IPMK: variants seen among roughly 807,000 people sequenced by gnomAD.
IPMK encodes inositol 1,3,4,6-tetrakisphosphate 5-kinase.
A neutral mutation model predicts 45.8 loss-of-function variants in IPMK; 17 were observed. That is an observed-to-expected ratio of 0.37 (90% CI 0.25 to 0.56). The LOEUF (loss-of-function observed/expected upper bound fraction) is 0.56, where lower values mean the gene tolerates loss of function less well. Ranked by LOEUF, IPMK falls within the 20% of genes least tolerant of loss-of-function variation. The pLI is 0.79. For missense variants in IPMK, 399 were observed against 498.0 expected (o/e 0.80, Z 1.89); for synonymous variants, 180 against 184.3 (o/e 0.98, Z 0.19).
intron 4 of IPMK, among the ~76,000 whole-genome samples, chr10:58,206,305 A>C (rs1418210994): frequency 6.6e-6 from 1 of 152,160 alleles, no homozygotes; most frequent in Non-Finnish European, 1.5e-5. Context: ...GGGAGTTTGG[A>C]AGGAAATTGG....
intron 4 of IPMK, among the ~76,000 whole-genome samples, chr10:58,215,791 C>T (rs188826074): frequency 6.6e-6 from 1 of 152,176 alleles, no homozygotes; most frequent in East Asian, 1.9e-4. Flanking sequence ...GCACTTTTCT[C>T]ATGGGAAAAT....
chr10:58,240,068 TAGG>T (rs1344565906), intron 1 of IPMK, among the ~76,000 whole-genome samples: 1 of 151,866 alleles, frequency 6.6e-6, no homozygotes, highest in Non-Finnish European at 1.5e-5. Context: ...GAAAACATAA[TAGG>T]AGATGACACA....
intron 1 of IPMK, among the ~76,000 whole-genome samples, chr10:58,261,237 G>A (rs1564542308): frequency 6.7e-6 from 1 of 149,252 alleles, no homozygotes; most frequent in African/African-American, 2.5e-5. Context: ...GAAAGAAAGG[G>A]AAATAAAACT....
intron 1 of IPMK, among the ~76,000 whole-genome samples, chr10:58,250,691 C>G (rs566724799): frequency 2.1e-4 from 32 of 152,248 alleles, no homozygotes; most frequent in African/African-American, 7.7e-4. Flanking sequence ...AGGACTTCCA[C>G]TCCTAGGAGT....
At chr10:58,212,824 T>C (rs1201654338) in intron 4 of IPMK, 4 of 226,882 alleles carry the variant, frequency 1.8e-5, no homozygotes, top group Non-Finnish European at 3.9e-5. Context: ...TGTGACAGTA[T>C]CAACAGTGAT....
At chr10:58,250,683 G>A (rs139842028) in intron 1 of IPMK, among the ~76,000 whole-genome samples, 19 of 152,152 alleles carry the variant, frequency 1.2e-4, no homozygotes, top group African/African-American at 4.3e-4. Flanking sequence ...CTCTGACTAG[G>A]ACTTCCACTC....
chr10:58,194,473 T>C lies in IPMK; in HGVS notation c.*1603A>G, dbSNP rs1459473475. ...AAATTTTGCTATTACAAAATGAACA[T>C]GATCTTTTAAATTATTCAGGTTTAA... On this transcript the variant is annotated 3_prime_UTR_variant, in exon 6 of 6. Transcript: ENST00000373935. 3.3e-5 allele frequency: 5 copies of C among 151,892 alleles called. No individual in the cohort carries two copies. Among genetic ancestry groups the C allele is most frequent in the South Asian group, 2.1e-4 (1 of 4,830 alleles). The allele number at this position is 151,892 out of a possible 1,614,324, so 9.4% of individuals were successfully genotyped here. A position where few individuals can be genotyped will look rare whatever the true frequency, so the allele number is the denominator to read the frequency against.
chr10:58,246,319 G>C (rs1375651068), intron 1 of IPMK, among the ~76,000 whole-genome samples: 1 of 149,892 alleles, frequency 6.7e-6, no homozygotes, highest in Non-Finnish European at 1.5e-5. Context: ...AGTTCATATG[G>C]AACCAAAAAA....
chr10:58,253,064 G>A (rs374231172), intron 1 of IPMK, among the ~76,000 whole-genome samples: 1 of 152,306 alleles, frequency 6.6e-6, no homozygotes, highest in South Asian at 2.1e-4. Context: ...CACATGTCAA[G>A]GGCAAAGCCA....
chr10:58,264,252 TA>T (rs1299887867), intron 1 of IPMK, among the ~76,000 whole-genome samples: 13 of 152,302 alleles, frequency 8.5e-5, no homozygotes, highest in South Asian at 2.1e-4. Flanking sequence ...TGAGAGATAA[TA>T]AAACAAATTT....
At chr10:58,254,247 C>T (rs1838930571) in intron 1 of IPMK, among the ~76,000 whole-genome samples, 1 of 152,176 alleles carries the variant, frequency 6.6e-6, no homozygotes, top group Middle Eastern at 3.4e-3. Flanking sequence ...TTTTGCTCCT[C>T]TGTTTAGATA....
At chr10:58,221,530 A>T (rs1412019673) in intron 3 of IPMK, among the ~76,000 whole-genome samples, 1 of 152,152 alleles carries the variant, frequency 6.6e-6, no homozygotes, top group African/African-American at 2.4e-5. Flanking sequence ...ATCCAAAAAA[A>T]TATAATGAAC....
chr10:58,243,831 C>A (rs1306513403), intron 1 of IPMK, among the ~76,000 whole-genome samples: 1 of 152,000 alleles, frequency 6.6e-6, no homozygotes, highest in Admixed American at 6.6e-5. Context: ...GGCCGCCCAT[C>A]GTCTGGGATG....
chr10:58,226,135 G>T (rs1207190157), intron 3 of IPMK, among the ~76,000 whole-genome samples: 3 of 152,150 alleles, frequency 2.0e-5, no homozygotes, highest in Non-Finnish European at 4.4e-5. Flanking sequence ...GCTAGCTGAG[G>T]ATACTCACAG....
At chr10:58,213,579 C>T (rs982214119) in intron 4 of IPMK, among the ~76,000 whole-genome samples, 39 of 151,314 alleles carry the variant, frequency 2.6e-4, no homozygotes, top group African/African-American at 8.7e-4. Flanking sequence ...CCCAGCTACG[C>T]GGTAGGCTGA....
rs183733020 is a variant in IPMK, at chr10:58,233,407, G to A, written c.276+4322C>T. 1.4e-4 allele frequency among the ~76,000 whole-genome samples: 22 copies of A among 152,214 alleles called. No individual in the cohort carries two copies. The East Asian group carries it at 4.0e-3, about 28-fold the overall frequency. On this transcript the variant is annotated intron_variant, in intron 2 of 5. Transcript: ENST00000373935. ...TAGACCAACGTCCCTGATGAATGTC[G>A]ATGCAAAAATCCTCAATAAAATACT...
intron 1 of IPMK, among the ~76,000 whole-genome samples, chr10:58,253,804 G>A (rs1187945175): frequency 6.6e-6 from 1 of 151,576 alleles, no homozygotes; most frequent in Non-Finnish European, 1.5e-5. Context: ...AATAGTCTTG[G>A]AGGACAATTT....
At chr10:58,218,699 G>A (rs944649134) in intron 3 of IPMK, among the ~76,000 whole-genome samples, 1 of 152,154 alleles carries the variant, frequency 6.6e-6, no homozygotes, top group Non-Finnish European at 1.5e-5. Context: ...TGTAGGGTTA[G>A]TGTCTTCTAC....
chr10:58,212,687 C>T (rs1838183284), intron 4 of IPMK: 2 of 249,634 alleles, frequency 8.0e-6, no homozygotes, highest in Non-Finnish European at 1.8e-5. Flanking sequence ...TGTGCAGCCT[C>T]TGTCGCAAAA....
Sources: gnomAD v4.1 joint callset for allele counts (sites outside exome capture counted in the v4.1 genomes callset) on GRCh38, gnomAD v4.1.1 for gene constraint, MANE v1.5 for transcripts, NCBI Gene and HGNC (gene_info 2026-07-23, HGNC 2026-07-21) for gene names.